PITPNA: variants seen among roughly 807,000 people sequenced by gnomAD.
PITPNA encodes the protein phosphatidylinositol transfer protein alpha isoform.
In PITPNA, 13 loss-of-function variants were observed where a neutral mutation model predicts 50.3. That is an observed-to-expected ratio of 0.26 (90% CI 0.17 to 0.41). PITPNA has a LOEUF of 0.41. Among genes scored for constraint, PITPNA ranks in the 10% least tolerant of loss-of-function variants. The pLI is 1.00. For missense variants in PITPNA, 207 were observed against 333.4 expected (o/e 0.62, Z 2.95); for synonymous variants, 120 against 119.6 (o/e 1.00, Z -0.02).
chr17:1,555,676 G>A (rs2075731643), intron 2 of PITPNA, among the ~76,000 whole-genome samples: 1 of 152,212 alleles, frequency 6.6e-6, no homozygotes, highest in Non-Finnish European at 1.5e-5. Flanking sequence ...ATACTGACAT[G>A]AAACACGTCA....
intron 4 of PITPNA, among the ~76,000 whole-genome samples, chr17:1,543,349 CT>C (rs1239054020): frequency 6.6e-6 from 1 of 152,158 alleles, no homozygotes; most frequent in East Asian, 1.9e-4. Flanking sequence ...ACTCATCACT[CT>C]GGCATCAGAG....
chr17:1,536,552 G>A (rs892353656), intron 7 of PITPNA, among the ~76,000 whole-genome samples: 15 of 151,682 alleles, frequency 9.9e-5, no homozygotes, highest in Admixed American at 2.0e-4. Context: ...GCCTCCCACA[G>A]TGCTGGGATT....
intron 10 of PITPNA, among the ~76,000 whole-genome samples, chr17:1,525,138 C>T (rs1490730365): frequency 6.6e-6 from 1 of 151,434 alleles, no homozygotes; most frequent in Non-Finnish European, 1.5e-5. Flanking sequence ...TACAAGTGCA[C>T]ACCACCACGC....
intron 10 of PITPNA, among the ~76,000 whole-genome samples, chr17:1,532,111 G>A (rs1259427618): frequency 1.3e-5 from 2 of 152,004 alleles, no homozygotes; most frequent in East Asian, 1.9e-4. Context: ...TCCTTGAGAC[G>A]GAGTCTTGCT....
chr17:1,549,474 G>A (rs547232538), intron 3 of PITPNA, among the ~76,000 whole-genome samples: 5 of 150,948 alleles, frequency 3.3e-5, no homozygotes, highest in East Asian at 2.0e-4. Flanking sequence ...CCGCCACCAC[G>A]CCCGGCTAAT....
Position 1,541,579 on chromosome 17 carries a change from C to G in PITPNA, c.359G>C (p.Gly120Ala), listed in dbSNP as rs2075648094. Reference sequence around the variant, plus strand: ...ACTACTACTCACATTCTCCTGCGTGCCAAGATCTGGTTTGTGCCAGGTTTC... The same window carrying G: ...ACTACTACTCACATTCTCCTGCGTGGCAAGATCTGGTTTGTGCCAGGTTTC... Reference protein sequence around the residue: ...KIETWHKPDLGTQENVHKLEP... With the variant: ...KIETWHKPDLATQENVHKLEP... The change falls in exon 6 of 12, where the codon GGC (glycine) becomes GCC (alanine). Residue 120 changes from glycine to alanine, a missense_variant. Coordinates refer to ENST00000313486, the MANE Select transcript of PITPNA (RefSeq NM_006224.4). 4.3e-6 allele frequency: 7 copies of G among 1,612,718 alleles called. No individual in the cohort carries two copies. Among genetic ancestry groups the G allele is most frequent in the Non-Finnish European group, 5.9e-6 (7 of 1,178,936 alleles).
At chr17:1,521,372 A>G (rs2075511270) in intron 11 of PITPNA, among the ~76,000 whole-genome samples, 1 of 151,964 alleles carries the variant, frequency 6.6e-6, no homozygotes, top group Admixed American at 6.5e-5. Context: ...CATTGTCTCT[A>G]TCTGGGTGGT....
At chr17:1,550,219 C>T (rs140850180) in intron 3 of PITPNA, among the ~76,000 whole-genome samples, 16 of 152,240 alleles carry the variant, frequency 1.1e-4, no homozygotes, top group East Asian at 9.7e-4. Flanking sequence ...AAGGAGTTTC[C>T]GGTCTACTGG....
chr17:1,526,009 C>T (rs993828461), intron 10 of PITPNA, among the ~76,000 whole-genome samples: 6 of 152,310 alleles, frequency 3.9e-5, no homozygotes, highest in Admixed American at 3.3e-4. Context: ...GATCTCATTT[C>T]CAAACACCCC....
At chr17:1,537,284 C>T (rs996469428) in intron 7 of PITPNA, among the ~76,000 whole-genome samples, 12 of 152,146 alleles carry the variant, frequency 7.9e-5, no homozygotes, top group African/African-American at 2.2e-4. Flanking sequence ...AGGATGGTCT[C>T]GATCTCTTGA....
At chr17:1,541,436 TAGG>T in intron 6 of PITPNA, 127 bp downstream of exon 6, 1 of 704,380 alleles carries the variant, frequency 1.4e-6, no homozygotes, top group Non-Finnish European at 2.6e-6. Flanking sequence ...AAGATAGGTC[TAGG>T]CAGAGGCCAC....
chr17:1,534,237 AACC>A lies in PITPNA; in HGVS notation c.646-19_646-17del, dbSNP rs2075601766. 6.2e-7 allele frequency: 1 copy of A among 1,613,540 alleles called. No individual in the cohort carries two copies. Among genetic ancestry groups the A allele is most frequent in the African/African-American group, 1.3e-5 (1 of 75,008 alleles). ...GCCTCTCTTGCTATAGAAAGGAGGG[AACC>A]ACGTTAGAACGCAGAAGGCAAAGGC... On this transcript the variant is annotated splice_polypyrimidine_tract_variant and intron_variant, in intron 9 of 11. Coordinates refer to ENST00000313486, the MANE Select transcript of PITPNA (RefSeq NM_006224.4).
At chr17:1,540,582 CT>C (rs1401640343) in intron 6 of PITPNA, among the ~76,000 whole-genome samples, 2 of 150,372 alleles carry the variant, frequency 1.3e-5, no homozygotes, top group African/African-American at 4.9e-5. Context: ...ACTAACGGGC[CT>C]TTTTTTTCTC....
chr17:1,543,608 C>T (rs895540537), intron 4 of PITPNA, among the ~76,000 whole-genome samples: 32 of 152,244 alleles, frequency 2.1e-4, no homozygotes, highest in African/African-American at 7.5e-4. Context: ...TGAGACCGCC[C>T]GGTTCATTCT....
intron 3 of PITPNA, among the ~76,000 whole-genome samples, chr17:1,550,528 T>C (rs1230703246): frequency 2.0e-5 from 3 of 151,944 alleles, no homozygotes; most frequent in East Asian, 1.9e-4. Context: ...TCCTAAAAGA[T>C]TTTTTTGTTT....
At chr17:1,543,577 G>C (rs1189536094) in intron 4 of PITPNA, among the ~76,000 whole-genome samples, 1 of 152,094 alleles carries the variant, frequency 6.6e-6, no homozygotes, top group Non-Finnish European at 1.5e-5. Context: ...ATGTCACTGG[G>C]GAACAGACTA....
chr17:1,526,302 G>A lies in PITPNA; in HGVS notation c.769-4657C>T, dbSNP rs572881707. On this transcript the variant is annotated intron_variant, in intron 10 of 11. Transcript: ENST00000313486. ...TAACCTCCACAAACGCCAAAATCGC[G>A]GAAGTTCAGGAAAACTGAGGAGTGG... Among the ~76,000 whole-genome samples, 6 of 152,282 alleles carry A rather than the reference G, an allele frequency of 3.9e-5. No homozygotes were observed. In the South Asian group the frequency reaches 1.0e-3, roughly 26 times the overall value.
chr17:1,549,545 T>C (rs988546749), intron 3 of PITPNA, among the ~76,000 whole-genome samples: 4 of 144,898 alleles, frequency 2.8e-5, no homozygotes, highest in Non-Finnish European at 5.9e-5. Context: ...CTCAATCTCC[T>C]GAGCTCATGA....
At chr17:1,555,608 A>G (rs2151013996) in intron 2 of PITPNA, among the ~76,000 whole-genome samples, 1 of 152,356 alleles carries the variant, frequency 6.6e-6, no homozygotes, top group Middle Eastern at 3.4e-3. Flanking sequence ...TCAACTAAGA[A>G]AAACAGACTC....
Sources: gnomAD v4.1 joint callset for allele counts (sites outside exome capture counted in the v4.1 genomes callset) on GRCh38, gnomAD v4.1.1 for gene constraint, MANE v1.5 for transcripts, NCBI Gene and HGNC (gene_info 2026-07-23, HGNC 2026-07-21) for gene names.